The following TRPC5 variants were observed in gnomAD, a reference collection of about 807,000 sequenced individuals.
TRPC5 encodes transient receptor potential cation channel subfamily C member 5.
In TRPC5, 9 loss-of-function variants were observed where a neutral mutation model predicts 56.5. The observed-to-expected ratio is 0.16, with a 90% CI of 0.10 to 0.28. TRPC5 has a LOEUF of 0.28. Ranked by LOEUF, TRPC5 falls within the 10% of genes least tolerant of loss-of-function variation. The probability of loss-of-function intolerance (pLI) is 1.00; values close to 1 mark genes in which losing one functional copy is unlikely to be tolerated. For missense variants in TRPC5, 469 were observed against 748.9 expected (o/e 0.63, Z 4.36); for synonymous variants, 282 against 278.5 (o/e 1.01, Z -0.13).
rs1335579681 is a variant in TRPC5, at chrX:111,916,775, C to T, written c.379-3963G>A. On this transcript the variant is annotated intron_variant, in intron 2 of 10. Transcript: ENST00000262839. ...GGAAACATGGATTTGGGGGTAGAAG[C>T]TCTTAAAGTTATAAACGTTGGCTCA... Among the ~76,000 whole-genome samples, 5 of 112,301 alleles carry T rather than the reference C, an allele frequency of 4.5e-5. No homozygotes were observed. In the East Asian group the frequency reaches 1.1e-3, roughly 25 times the overall value.
At chrX:111,919,878 G>A (rs1926080588) in intron 2 of TRPC5, among the ~76,000 whole-genome samples, 1 of 112,507 alleles carries the variant, frequency 8.9e-6, no homozygotes, top group Non-Finnish European at 1.9e-5. Flanking sequence ...ATTCAAAGCT[G>A]TCTTGGGCCA....
At chrX:112,065,926 G>A (rs1930573026) in intron 1 of TRPC5, among the ~76,000 whole-genome samples, 2 of 108,894 alleles carry the variant, frequency 1.8e-5, no homozygotes. Flanking sequence ...GTAGGATCAA[G>A]TTTGAATTGA....
intron 1 of TRPC5, among the ~76,000 whole-genome samples, chrX:112,059,345 CTG>C (rs1261974177): frequency 8.9e-6 from 1 of 112,337 alleles, no homozygotes; most frequent in East Asian, 2.8e-4. Flanking sequence ...CTACAAGAAA[CTG>C]TACATCTGAA....
chrX:111,958,911 C>T (rs374080131), intron 1 of TRPC5, among the ~76,000 whole-genome samples: 134 of 111,916 alleles, frequency 1.2e-3, no homozygotes, highest in Non-Finnish European at 2.1e-3. Flanking sequence ...AGATGATAAG[C>T]GCTAAAAGAA....
chrX:111,786,193 C>A (rs980381772), intron 7 of TRPC5, among the ~76,000 whole-genome samples: 1 of 111,596 alleles, frequency 9.0e-6, no homozygotes, highest in Non-Finnish European at 1.9e-5. Flanking sequence ...CAAAGGGAAG[C>A]CCATCAGACT....
intron 3 of TRPC5, among the ~76,000 whole-genome samples, chrX:111,890,819 G>A (rs1924768948): frequency 8.9e-6 from 1 of 111,737 alleles, no homozygotes; most frequent in Non-Finnish European, 1.9e-5. Context: ...TATCACTTAG[G>A]TATTAAGCCT....
chrX:111,931,440 G>A (rs958562847), intron 2 of TRPC5, among the ~76,000 whole-genome samples: 5 of 112,286 alleles, frequency 4.5e-5, no homozygotes, highest in African/African-American at 1.3e-4. Context: ...AAGAAATTAG[G>A]GGGTAGAGGG....
At chrX:111,887,160 A>G (rs1374451278) in intron 3 of TRPC5, among the ~76,000 whole-genome samples, 1 of 112,448 alleles carries the variant, frequency 8.9e-6, no homozygotes, top group East Asian at 2.8e-4. Context: ...GGACTCTCAC[A>G]TCTCCCTTTA....
intron 1 of TRPC5, among the ~76,000 whole-genome samples, chrX:112,004,583 C>A (rs1928784898): frequency 8.9e-6 from 1 of 111,898 alleles, no homozygotes; most frequent in African/African-American, 3.3e-5. Flanking sequence ...CAGGTCAAAT[C>A]TCAGGTCCAT....
chrX:111,975,159 G>T (rs771640329), intron 1 of TRPC5, among the ~76,000 whole-genome samples: 4 of 111,243 alleles, frequency 3.6e-5, no homozygotes, highest in East Asian at 5.7e-4. Context: ...CCAGGGAATT[G>T]AGGGTTGCTC....
rs1049704482 is a variant in TRPC5 at position 111,785,005 on chromosome X, G to A, written c.1897-2867C>T. Among the ~76,000 whole-genome samples, 14 of 112,348 alleles carry A rather than the reference G, an allele frequency of 1.2e-4. 1 individual carries two copies. Among genetic ancestry groups the A allele is most frequent in the African/African-American group, 4.5e-4 (14 of 30,876 alleles). The stretch of plus-strand genomic sequence containing the variant: ...TGGGCAGGGCATAACCGAACAAAAG[G>A]CAGCAGACAACTCTGCAGACTTAAA... On this transcript the variant is annotated intron_variant, in intron 7 of 10. Coordinates refer to ENST00000262839, the MANE Select transcript of TRPC5 (RefSeq NM_012471.3).
chrX:111,932,765 C>T (rs1380423844), intron 2 of TRPC5, among the ~76,000 whole-genome samples: 1 of 111,797 alleles, frequency 8.9e-6, no homozygotes, highest in Non-Finnish European at 1.9e-5. Flanking sequence ...CACAGCAACC[C>T]AGCTATTTGT....
At chrX:112,003,536 A>C (rs1323133483) in intron 1 of TRPC5, among the ~76,000 whole-genome samples, 1 of 110,306 alleles carries the variant, frequency 9.1e-6, no homozygotes, top group Non-Finnish European at 1.9e-5. Context: ...TGTGAGTGCC[A>C]TTGGCTTTGG....
At chrX:111,881,133 G>A (rs1490153607) in intron 3 of TRPC5, among the ~76,000 whole-genome samples, 1 of 101,066 alleles carries the variant, frequency 9.9e-6, no homozygotes, top group Non-Finnish European at 1.9e-5. Flanking sequence ...CTGTTGTTTT[G>A]TGATTTTCTT....
At chrX:112,005,849 G>A (rs1415544325) in intron 1 of TRPC5, among the ~76,000 whole-genome samples, 1 of 111,848 alleles carries the variant, frequency 8.9e-6, no homozygotes, top group Non-Finnish European at 1.9e-5. Flanking sequence ...ATATGATAGA[G>A]GGAACTGTCC....
At chrX:111,801,750 T>C (rs974799294) in intron 7 of TRPC5, among the ~76,000 whole-genome samples, 1 of 112,406 alleles carries the variant, frequency 8.9e-6, no homozygotes, top group African/African-American at 3.2e-5. Context: ...GTCTTTGTAT[T>C]ATTGAGACGT....
chrX:111,851,500 G>C (rs1223709438), intron 5 of TRPC5, among the ~76,000 whole-genome samples: 1 of 102,604 alleles, frequency 9.7e-6, no homozygotes, highest in South Asian at 4.2e-4. Context: ...TGTGGGAAAA[G>C]TATTAAGGTG....
chrX:111,891,368 A>T (rs1229210795), intron 3 of TRPC5, among the ~76,000 whole-genome samples: 1 of 111,084 alleles, frequency 9.0e-6, no homozygotes, highest in East Asian at 2.8e-4. Context: ...CTGCAACCTC[A>T]CTAGCATCTG....
At chrX:111,974,531 A>C (rs1241328087) in intron 1 of TRPC5, among the ~76,000 whole-genome samples, 2 of 112,285 alleles carry the variant, frequency 1.8e-5, no homozygotes, top group African/African-American at 6.5e-5. Flanking sequence ...AAAACAGTTA[A>C]ATCTTTATTG....
Sources: allele counts gnomAD v4.1 joint callset (sites outside exome capture counted in the v4.1 genomes callset), GRCh38; gene constraint gnomAD v4.1.1; transcripts MANE v1.5; gene names NCBI Gene and HGNC (gene_info 2026-07-23, HGNC 2026-07-21).